Variants in PPP1R16B observed in about 807,000 individuals in gnomAD.
The protein encoded by PPP1R16B is protein phosphatase 1 regulatory inhibitor subunit 16B.
PPP1R16B carries 14 observed loss-of-function variants against 61.7 expected under a neutral mutation model. The ratio of observed to expected loss-of-function variants is 0.23; its 90% confidence interval spans 0.15 to 0.35. The LOEUF is 0.35. Among genes scored for constraint, PPP1R16B ranks in the 10% least tolerant of loss-of-function variants. The probability of loss-of-function intolerance (pLI) is 1.00; values close to 1 mark genes in which losing one functional copy is unlikely to be tolerated. For missense variants in PPP1R16B, 547 were observed against 752.5 expected (o/e 0.73, Z 3.19); for synonymous variants, 266 against 305.3 (o/e 0.87, Z 1.34).
intron 1 of PPP1R16B, among the ~76,000 whole-genome samples, chr20:38,820,209 C>A (rs1417241772): frequency 6.6e-6 from 1 of 152,146 alleles, no homozygotes; most frequent in East Asian, 1.9e-4. Flanking sequence ...TTATACTTTG[C>A]GTCTATTAGA....
intron 2 of PPP1R16B, among the ~76,000 whole-genome samples, chr20:38,868,040 G>A (rs977007378): frequency 7.9e-5 from 12 of 152,172 alleles, no homozygotes; most frequent in African/African-American, 2.7e-4. Context: ...TGCTGAGGCC[G>A]TGCCTGGGCA....
At chr20:38,832,912 CAAAAA>C (rs557919611) in intron 1 of PPP1R16B, among the ~76,000 whole-genome samples, 1 of 68,302 alleles carries the variant, frequency 1.5e-5, no homozygotes, top group Admixed American at 1.7e-4. Context: ...AGCGAGATCT[CAAAAA>C]AAAAAAAAAA....
chr20:38,905,201 G>A (rs1482710721), intron 6 of PPP1R16B, among the ~76,000 whole-genome samples: 2 of 152,192 alleles, frequency 1.3e-5, no homozygotes, highest in African/African-American at 4.8e-5. Flanking sequence ...GTTAGGAACA[G>A]CTTAACTGGG....
chr20:38,813,414 T>G (rs1463119869), intron 1 of PPP1R16B, among the ~76,000 whole-genome samples: 2 of 152,210 alleles, frequency 1.3e-5, no homozygotes, highest in Non-Finnish European at 2.9e-5. Flanking sequence ...AAGTCTGTAT[T>G]TTCTCAAAGT....
intron 2 of PPP1R16B, among the ~76,000 whole-genome samples, chr20:38,877,145 G>A (rs578173252): frequency 5.3e-5 from 8 of 152,164 alleles, no homozygotes; most frequent in South Asian, 2.1e-4. Flanking sequence ...AATTGTTTAG[G>A]CATTTGGGTT....
At chr20:38,901,005 A>C (rs1266755005) in intron 5 of PPP1R16B, among the ~76,000 whole-genome samples, 2 of 152,208 alleles carry the variant, frequency 1.3e-5, no homozygotes, top group Non-Finnish European at 2.9e-5. Context: ...CCATAAAGAT[A>C]TATTCCTATG....
intron 1 of PPP1R16B, among the ~76,000 whole-genome samples, chr20:38,822,250 G>A (rs1488874448): frequency 1.3e-5 from 2 of 151,490 alleles, no homozygotes; most frequent in Non-Finnish European, 2.9e-5. Flanking sequence ...ACTGTTCTGT[G>A]ATTCTTTTCT....
intron 2 of PPP1R16B, among the ~76,000 whole-genome samples, chr20:38,839,725 G>A (rs113055331): frequency 2.0e-5 from 3 of 151,340 alleles, no homozygotes; most frequent in African/African-American, 4.9e-5. Flanking sequence ...TCTTGGAGAC[G>A]TTTTCATGCC....
intron 2 of PPP1R16B, among the ~76,000 whole-genome samples, chr20:38,861,709 C>T (rs1359299426): frequency 7.1e-6 from 1 of 139,978 alleles, no homozygotes; most frequent in African/African-American, 2.8e-5. Context: ...CGAAGTCTTG[C>T]TCTGTCGCCC....
At chr20:38,827,370 A>G (rs1290308449) in intron 1 of PPP1R16B, among the ~76,000 whole-genome samples, 2 of 152,180 alleles carry the variant, frequency 1.3e-5, no homozygotes, top group Non-Finnish European at 2.9e-5. Context: ...AAAGCTCAAG[A>G]TGCATGAGTT....
Position 38,907,705 on chromosome 20 carries a change from G to A in PPP1R16B, c.899-101G>A, listed in dbSNP as rs2085455433. On this transcript the variant is annotated intron_variant, in intron 8 of 10. Coordinates refer to ENST00000299824, the MANE Select transcript of PPP1R16B (RefSeq NM_015568.4). The surrounding 1 kb of genome is among the most constrained non-coding windows in gnomAD (Gnocchi z 4.5). ...CTGCATGCCCTGAAAGATGCTTGGA[G>A]TTTTCAGTGGGTTGGGGTGGCAGCT... is the stretch of plus-strand genomic sequence containing the variant. 1 of 1,457,266 alleles carries A rather than the reference G, an allele frequency of 6.9e-7. No individual in the cohort carries two copies. The allele number at this position is 1,457,266 out of a possible 1,614,324, so 90.3% of individuals were successfully genotyped here.
chr20:38,851,451 T>A (rs2084968416), intron 2 of PPP1R16B, among the ~76,000 whole-genome samples: 1 of 149,374 alleles, frequency 6.7e-6, no homozygotes, highest in Non-Finnish European at 1.5e-5. Context: ...GGTGACAGAG[T>A]GAGACTCCAT....
At chr20:38,869,451 G>T (rs113691523) in intron 2 of PPP1R16B, among the ~76,000 whole-genome samples, 1 of 152,060 alleles carries the variant, frequency 6.6e-6, no homozygotes, top group Non-Finnish European at 1.5e-5. Flanking sequence ...GAGCCACCGC[G>T]CCTGGCCTAT....
intron 3 of PPP1R16B, among the ~76,000 whole-genome samples, chr20:38,890,271 C>CA (rs914830689): frequency 1.3e-5 from 2 of 152,202 alleles, no homozygotes; most frequent in Non-Finnish European, 2.9e-5. Context: ...ATGCTTAAGC[C>CA]AAAAATCTCT....
At chr20:38,853,653 T>C (rs569878795) in intron 2 of PPP1R16B, among the ~76,000 whole-genome samples, 3 of 152,338 alleles carry the variant, frequency 2.0e-5, no homozygotes, top group East Asian at 3.9e-4. Context: ...AAACACTTAG[T>C]GGATTGAAAC....
chr20:38,872,332 C>T (rs528954166), intron 2 of PPP1R16B, among the ~76,000 whole-genome samples: 10 of 152,276 alleles, frequency 6.6e-5, no homozygotes, highest in Admixed American at 5.2e-4. Flanking sequence ...GGCAGACTGG[C>T]GTCTGTCTGG....
intron 4 of PPP1R16B, among the ~76,000 whole-genome samples, chr20:38,900,127 G>A (rs1328175780): frequency 6.6e-6 from 1 of 152,230 alleles, no homozygotes; most frequent in South Asian, 2.1e-4. Flanking sequence ...TGCGTGAGAT[G>A]GGGCCAACAG....
intron 3 of PPP1R16B, among the ~76,000 whole-genome samples, chr20:38,892,239 G>A (rs1316594160): frequency 6.6e-6 from 1 of 151,968 alleles, no homozygotes; most frequent in Non-Finnish European, 1.5e-5. Flanking sequence ...TTTAGCTTGG[G>A]GTTCCCGCCA....
chr20:38,810,721 G>A (rs950928573), intron 1 of PPP1R16B, among the ~76,000 whole-genome samples: 1 of 152,058 alleles, frequency 6.6e-6, no homozygotes, highest in Non-Finnish European at 1.5e-5. Flanking sequence ...TACTTGCATC[G>A]CCATTGAATT....
Sources: gnomAD v4.1 joint callset for allele counts (sites outside exome capture counted in the v4.1 genomes callset) on GRCh38, gnomAD v4.1.1 for gene constraint, Gnocchi (gnomAD v3.1) non-coding constraint, MANE v1.5 for transcripts, NCBI Gene and HGNC (gene_info 2026-07-23, HGNC 2026-07-21) for gene names.